SLC12A6: variants seen among roughly 807,000 people sequenced by gnomAD.
The protein encoded by SLC12A6 is K-Cl cotransporter 3.
Under a neutral mutation model 135.3 loss-of-function variants are expected in SLC12A6, and 66 were observed. That is an observed-to-expected ratio of 0.49 (90% confidence interval 0.40 to 0.60). The LOEUF (loss-of-function observed/expected upper bound fraction) is 0.60. Ranked by LOEUF, SLC12A6 falls within the 20% of genes least tolerant of loss-of-function variation. The pLI is 0.00. For missense variants in SLC12A6, 1,058 were observed against 1,452.3 expected (o/e 0.73, Z 4.41); for synonymous variants, 513 against 508.8 (o/e 1.01, Z -0.11).
Position 34,238,951 on chromosome 15 carries a change from G to T in SLC12A6, c.2632+14C>A. The T allele has an allele frequency of 6.2e-7, 1 of 1,608,220 alleles. No homozygotes were observed. The highest frequency in any genetic ancestry group is 8.5e-7 in the Non-Finnish European group (1 of 1,174,600). On this transcript the variant is annotated intron_variant, in intron 20 of 25. Transcript: ENST00000354181. ...GACTTGGGCCTTTAGGTTTGTATGA[G>T]AAATGGTTAGTACCAATAAAAGTCT... is the stretch of plus-strand genomic sequence containing the variant.
intron 2 of SLC12A6, among the ~76,000 whole-genome samples, chr15:34,301,275 A>G (rs1239608240): frequency 1.3e-5 from 2 of 152,170 alleles, no homozygotes; most frequent in African/African-American, 4.8e-5. Flanking sequence ...ACTCATGTTG[A>G]AGTGATTTCA....
In SLC12A6 at chr15:34,336,667, T is replaced by C. The variant is rs770783522; in HGVS notation, c.14A>G (p.Glu5Gly). Reference sequence around the variant, plus strand: ...AACTGAAGCCATCTTGGTGGTGGTTTCTGGAGGATGCATTTTGTTCTTTTT... The same window carrying C: ...AACTGAAGCCATCTTGGTGGTGGTTCCTGGAGGATGCATTTTGTTCTTTTT... MHPP[E>G]TTTKMASVRF... Residue 5 changes from glutamate to glycine, a missense_variant, in exon 2 of 26, where the codon GAA becomes GGA. Physicochemically the swap from Glu to Gly is moderately conservative, Grantham distance 98 (BLOSUM62 -2). Around this residue, in one of 6 missense-constraint regions of SLC12A6, gnomAD observed 176 missense variants for 168.9 expected, o/e 1.04. Coordinates refer to ENST00000354181, the MANE Select transcript of SLC12A6 (RefSeq NM_001365088.1). 6.2e-7 allele frequency: 1 copy of C among 1,614,108 alleles called. No homozygotes were observed. The highest frequency in any genetic ancestry group is 8.5e-7 in the Non-Finnish European group (1 of 1,179,968).
At chr15:34,279,703 T>C (rs1385843646) in intron 2 of SLC12A6, among the ~76,000 whole-genome samples, 1 of 152,218 alleles carries the variant, frequency 6.6e-6, no homozygotes, top group Non-Finnish European at 1.5e-5. Context: ...TATGTGCCAA[T>C]AATGTCACTA....
intron 2 of SLC12A6, among the ~76,000 whole-genome samples, chr15:34,305,345 T>G (rs1334328933): frequency 6.6e-6 from 1 of 152,146 alleles, no homozygotes; most frequent in Non-Finnish European, 1.5e-5. Flanking sequence ...TTAGCCATGT[T>G]AGGTGTCCTG....
intron 2 of SLC12A6, among the ~76,000 whole-genome samples, chr15:34,321,465 C>T (rs1011377664): frequency 6.6e-6 from 1 of 152,106 alleles, no homozygotes; most frequent in African/African-American, 2.4e-5. Context: ...ACCAAGATGG[C>T]TAAAATTCCT....
chr15:34,304,534 T>A (rs1167528215), intron 2 of SLC12A6, among the ~76,000 whole-genome samples: 2 of 152,220 alleles, frequency 1.3e-5, no homozygotes, highest in Non-Finnish European at 2.9e-5. Flanking sequence ...ATACTTCACA[T>A]CCTTTCCAAC....
intron 2 of SLC12A6, among the ~76,000 whole-genome samples, chr15:34,313,951 A>G (rs1250865225): frequency 1.3e-5 from 2 of 151,568 alleles, no homozygotes; most frequent in African/African-American, 4.8e-5. Context: ...TAAAAACGAA[A>G]AAAAAAAAAA....
chr15:34,317,104 T>C (rs989005468), intron 2 of SLC12A6, among the ~76,000 whole-genome samples: 1 of 152,238 alleles, frequency 6.6e-6, no homozygotes, highest in Non-Finnish European at 1.5e-5. Context: ...TAGAGAATCA[T>C]ATTCAAGTTC....
intron 20 of SLC12A6, chr15:34,238,684 A>T: frequency 6.7e-6 from 4 of 598,188 alleles, no homozygotes; most frequent in Non-Finnish European, 1.2e-5. Flanking sequence ...AATTCTTGCA[A>T]TTCCTGTGAG....
At chr15:34,311,835 T>A (rs1166382246) in intron 2 of SLC12A6, among the ~76,000 whole-genome samples, 1 of 151,944 alleles carries the variant, frequency 6.6e-6, no homozygotes, top group East Asian at 1.9e-4. Flanking sequence ...TATACCCTGC[T>A]CTCATTCCTT....
chr15:34,252,149 T>C (rs769182159), intron 10 of SLC12A6, 21 bp downstream of exon 10: 14 of 1,291,862 alleles, frequency 1.1e-5, no homozygotes, highest in Non-Finnish European at 1.6e-5. Flanking sequence ...AAAAAACTTG[T>C]CCAATAACTC....
At chr15:34,318,637 C>G in intron 2 of SLC12A6, 1 of 1,613,314 alleles carries the variant, frequency 6.2e-7, no homozygotes, top group Non-Finnish European at 8.5e-7. Flanking sequence ...CCGCTGCCCC[C>G]TCCTCTGGGT....
intron 2 of SLC12A6, among the ~76,000 whole-genome samples, chr15:34,276,199 G>A (rs1377267539): frequency 6.6e-6 from 1 of 152,192 alleles, no homozygotes; most frequent in Non-Finnish European, 1.5e-5. Flanking sequence ...TCATAAAGTA[G>A]AAGGATGATT....
Position 34,254,465 on chromosome 15 carries a change from A to G in SLC12A6, c.1001T>C (p.Phe334Ser). 1 of 1,614,020 alleles carries G rather than the reference A, an allele frequency of 6.2e-7. No individual in the cohort carries two copies. The highest frequency in any genetic ancestry group is 8.5e-7 in the Non-Finnish European group (1 of 1,179,846). ...CTTGTTCACATAGCGTACGCCGATA[A>G]ATACCACTAATACCATAAGGACCAA... ...AFLVLMVLVV[F>S]IGVRYVNKFA... The change falls in exon 9 of 26, where the codon TTT becomes TCT. Residue 334 changes from phenylalanine (F) to serine (S), a missense_variant. By Grantham distance (155) the Phe-to-Ser change is radical. Coordinates refer to ENST00000354181, the MANE Select transcript of SLC12A6 (RefSeq NM_001365088.1).
intron 15 of SLC12A6, among the ~76,000 whole-genome samples, chr15:34,244,840 CAG>C (rs1891877305): frequency 1.3e-5 from 2 of 152,182 alleles, no homozygotes; most frequent in Admixed American, 1.3e-4. Flanking sequence ...CTAGGGCACT[CAG>C]TGTTCACCTT....
At chr15:34,284,005 C>T (rs532990733) in intron 2 of SLC12A6, among the ~76,000 whole-genome samples, 7 of 152,114 alleles carry the variant, frequency 4.6e-5, no homozygotes, top group Non-Finnish European at 8.8e-5. Context: ...ATTCTCCTGC[C>T]TCAGCCTCCG....
chr15:34,237,414 C>T lies in SLC12A6; in HGVS notation c.2934+5G>A. ...CCTCTTGTATCTCAAACTCAGCTTT[C>T]TCACCATCTCCACCACTTCTACCTC... On this transcript the variant is annotated splice_donor_5th_base_variant and intron_variant, in intron 22 of 25. Coordinates refer to ENST00000354181, the MANE Select transcript of SLC12A6 (RefSeq NM_001365088.1). 1 of 1,610,182 alleles carries T rather than the reference C, an allele frequency of 6.2e-7. No homozygotes were observed. Among genetic ancestry groups the T allele is most frequent in the Non-Finnish European group, 8.5e-7 (1 of 1,177,580 alleles).
At chr15:34,318,612 CTT>C (rs1566867169) in intron 2 of SLC12A6, 5 of 1,613,942 alleles carry the variant, frequency 3.1e-6, no homozygotes, top group Non-Finnish European at 4.2e-6. Flanking sequence ...AAACTAGGCT[CTT>C]GAGAGATCGA....
intron 2 of SLC12A6, among the ~76,000 whole-genome samples, chr15:34,287,834 T>C (rs147825736): frequency 1.4e-4 from 22 of 152,354 alleles, no homozygotes; most frequent in African/African-American, 5.3e-4. Context: ...TGTTTGCTTT[T>C]TTCTGGTAAA....
Sources: gnomAD v4.1 joint callset for allele counts (sites outside exome capture counted in the v4.1 genomes callset) on GRCh38, gnomAD v4.1.1 for gene constraint, gnomAD v4.1.1 regional missense constraint, MANE v1.5 for transcripts, NCBI Gene and HGNC (gene_info 2026-07-23, HGNC 2026-07-21) for gene names.